The following ENPP6 variants were observed in gnomAD, a reference collection of about 807,000 sequenced individuals.
ENPP6 encodes the protein glycerophosphocholine cholinephosphodiesterase ENPP6.
A neutral mutation model predicts 42.0 loss-of-function variants in ENPP6; 32 were observed. That is an observed-to-expected ratio of 0.76 (90% CI 0.58 to 1.02). ENPP6 has a LOEUF of 1.02. Among genes scored for constraint, ENPP6 ranks in the 50% least tolerant of loss-of-function variants. The pLI is 0.00. For synonymous variants in ENPP6, 213 were observed against 216.0 expected, an observed-to-expected ratio of 0.99 and a Z score of 0.12; for missense variants, 552 against 566.8, an observed-to-expected ratio of 0.97 and a Z score of 0.27.
rs766461123 is a variant in ENPP6, at chr4:184,116,989, T to C, written c.722A>G (p.His241Arg). The C allele has an allele frequency of 1.2e-6, 2 of 1,614,180 alleles. No individual in the cohort carries two copies. Among genetic ancestry groups the C allele is most frequent in the Admixed American group, 3.3e-5 (2 of 60,030 alleles). The change falls in exon 5 of 8, where the codon CAC becomes CGC. Residue 241 changes from histidine to arginine, a missense_variant. This residue lies in a region of ENPP6 where 545 missense variants were observed against 546.3 expected (regional missense o/e 1.00). Coordinates refer to ENST00000296741, the MANE Select transcript of ENPP6 (RefSeq NM_153343.4). ...DRLNVIIFSD[H>R]GMTDIFWMDK... ...CATCCAGAAAATGTCGGTCATTCCG[T>C]GATCCGAGAAAATAATGACGTTCAG... is the stretch of plus-strand genomic sequence containing the variant.
chr4:184,167,581 C>T (rs1737372949), intron 1 of ENPP6, among the ~76,000 whole-genome samples: 1 of 152,236 alleles, frequency 6.6e-6, no homozygotes, highest in Non-Finnish European at 1.5e-5. Context: ...ATCAGTCAAC[C>T]ATCCCCCGCC....
intron 6 of ENPP6, among the ~76,000 whole-genome samples, chr4:184,112,326 T>G (rs539044264): frequency 6.6e-6 from 1 of 152,386 alleles, no homozygotes; most frequent in Non-Finnish European, 1.5e-5. Flanking sequence ...AGCCTCTCCC[T>G]GCTTTTGACT....
intron 1 of ENPP6, among the ~76,000 whole-genome samples, chr4:184,215,844 A>G (rs78143167): frequency 1.5e-3 from 233 of 152,292 alleles, no homozygotes; most frequent in African/African-American, 5.4e-3. Context: ...CTCTCAGGAC[A>G]GCACAAGGGA....
At chr4:184,107,745 C>T (rs536500185) in intron 6 of ENPP6, among the ~76,000 whole-genome samples, 1 of 152,130 alleles carries the variant, frequency 6.6e-6, no homozygotes, top group South Asian at 2.1e-4. Flanking sequence ...GAAACCTCGT[C>T]TCTACTAAAA....
chr4:184,191,179 G>A (rs1451957409), intron 1 of ENPP6, among the ~76,000 whole-genome samples: 2 of 152,252 alleles, frequency 1.3e-5, no homozygotes, highest in Non-Finnish European at 2.9e-5. Flanking sequence ...GCAGCATGAT[G>A]TTGTGGGGAG....
intron 6 of ENPP6, among the ~76,000 whole-genome samples, chr4:184,101,303 CTTGT>C (rs1197183283): frequency 1.8e-4 from 16 of 89,770 alleles, no homozygotes; most frequent in African/African-American, 4.3e-4. Flanking sequence ...TGTGTGTGAG[CTTGT>C]GTGTGTGTGT....
chr4:184,089,778 A>C lies in ENPP6; in HGVS notation c.*1399T>G, dbSNP rs1735756287. The C allele has an allele frequency of 6.6e-6, 1 of 152,238 alleles. No homozygotes were observed. Among genetic ancestry groups the C allele is most frequent in the African/African-American group, 2.4e-5 (1 of 41,450 alleles). 9.4% of individuals were successfully genotyped at this position (152,238 alleles called of 1,614,324 possible). A position where few individuals can be genotyped will look rare whatever the true frequency, so the allele number is the denominator to read the frequency against. On this transcript the variant is annotated 3_prime_UTR_variant, in exon 8 of 8. Coordinates refer to ENST00000296741, the MANE Select transcript of ENPP6 (RefSeq NM_153343.4). ...AGTGTTGGGATTATAGGTGTGAGCC[A>C]CCATGCCCAGCCCAAACTCATTTTT...
In ENPP6 at chr4:184,217,825, C is replaced by T; in HGVS notation, c.-6G>A. 1 of 1,612,496 alleles carries T rather than the reference C, an allele frequency of 6.2e-7. No individual in the cohort carries two copies. Among genetic ancestry groups the T allele is most frequent in the Non-Finnish European group, 8.5e-7 (1 of 1,179,544 alleles). ...GTCCCAAGCTTCACTGCCATGCTGC[C>T]AGGAGCCTGCCAGAGCCCGGCTGGC... On this transcript the variant is annotated 5_prime_UTR_variant, in exon 1 of 8. Coordinates refer to ENST00000296741, the MANE Select transcript of ENPP6 (RefSeq NM_153343.4).
chr4:184,176,135 G>A (rs1271180127), intron 1 of ENPP6, among the ~76,000 whole-genome samples: 4 of 152,026 alleles, frequency 2.6e-5, no homozygotes, highest in Admixed American at 6.5e-5. Context: ...GCCACTGAAC[G>A]GAGAGTTGGA....
chr4:184,205,756 G>T (rs559704790), intron 1 of ENPP6, among the ~76,000 whole-genome samples: 1 of 152,334 alleles, frequency 6.6e-6, no homozygotes, highest in African/African-American at 2.4e-5. Flanking sequence ...TTCAGCCAGG[G>T]GTCAGCAATG....
At chr4:184,121,261 C>A (rs1224382070) in intron 3 of ENPP6, among the ~76,000 whole-genome samples, 1 of 152,192 alleles carries the variant, frequency 6.6e-6, no homozygotes, top group African/African-American at 2.4e-5. Context: ...GTCAGTAATG[C>A]GTTATGAGCA....
chr4:184,124,408 T>G, intron 2 of ENPP6, 136 bp from the exon 3 acceptor site: 1 of 625,698 alleles, frequency 1.6e-6, no homozygotes, highest in Non-Finnish European at 2.7e-6. Flanking sequence ...CTAAAATAAC[T>G]TATTGCTAAT....
intron 1 of ENPP6, among the ~76,000 whole-genome samples, chr4:184,171,893 G>A (rs189719935): frequency 2.0e-5 from 3 of 152,252 alleles, no homozygotes; most frequent in African/African-American, 7.2e-5. Flanking sequence ...GCTCGCGGGC[G>A]GGAGAAGACA....
At chr4:184,093,245 G>T (rs1335252502) in intron 7 of ENPP6, among the ~76,000 whole-genome samples, 1 of 152,172 alleles carries the variant, frequency 6.6e-6, no homozygotes, top group Non-Finnish European at 1.5e-5. Flanking sequence ...ATTGTGGTTT[G>T]AATATATTCA....
intron 2 of ENPP6, among the ~76,000 whole-genome samples, chr4:184,126,037 G>C (rs951978437): frequency 2.0e-4 from 31 of 152,206 alleles, no homozygotes; most frequent in African/African-American, 7.0e-4. Context: ...TGTACAGTGT[G>C]ACCAGGTGTC....
rs756931616 is a variant in ENPP6 at position 184,091,126 on chromosome 4, G to A, written c.*51C>T. 6.7e-6 allele frequency: 10 copies of A among 1,482,092 alleles called. No homozygotes were observed. Among genetic ancestry groups the A allele is most frequent in the Middle Eastern group, 2.4e-4 (1 of 4,192 alleles). The allele number at this position is 1,482,092 out of a possible 1,614,324, so 91.8% of individuals were successfully genotyped here. A position where few individuals can be genotyped will look rare whatever the true frequency, so the allele number is the denominator to read the frequency against. ...ATAAAATGAAAATCATCTGGCTTTG[G>A]AGGCCCACTTTGCTGATGGTGTTTT... On this transcript the variant is annotated 3_prime_UTR_variant, in exon 8 of 8. Coordinates refer to ENST00000296741, the MANE Select transcript of ENPP6 (RefSeq NM_153343.4).
At chr4:184,104,004 CTTCTTTTCTT>C (rs967848610) in intron 6 of ENPP6, among the ~76,000 whole-genome samples, 2 of 140,996 alleles carry the variant, frequency 1.4e-5, no homozygotes, top group African/African-American at 5.2e-5. Context: ...GGGTTTCTTT[CTTCTTTTCTT>C]TTCTTTTCTT....
At chr4:184,126,906 A>G (rs1311027397) in intron 2 of ENPP6, among the ~76,000 whole-genome samples, 1 of 152,194 alleles carries the variant, frequency 6.6e-6, no homozygotes, top group Non-Finnish European at 1.5e-5. Flanking sequence ...TATTTACCAT[A>G]TTATCTCTAT....
At chr4:184,127,624 C>T (rs1736525850) in intron 2 of ENPP6, among the ~76,000 whole-genome samples, 1 of 152,122 alleles carries the variant, frequency 6.6e-6, no homozygotes, top group Non-Finnish European at 1.5e-5. Context: ...AGGCGTAGTG[C>T]TGTGTGCCTG....
Sources: gnomAD v4.1 joint callset for allele counts (sites outside exome capture counted in the v4.1 genomes callset) on GRCh38, gnomAD v4.1.1 for gene constraint, gnomAD v4.1.1 regional missense constraint, MANE v1.5 for transcripts, NCBI Gene and HGNC (gene_info 2026-07-23, HGNC 2026-07-21) for gene names.